Variants in CCDC178 observed in about 807,000 individuals in gnomAD.
CCDC178 encodes coiled-coil domain containing 178, also known as coiled-coil domain-containing protein 178.
A neutral mutation model predicts 117.4 loss-of-function variants in CCDC178; 126 were observed. That is an observed-to-expected ratio of 1.07 (90% CI 0.93 to 1.24). The LOEUF is 1.24. Among genes scored for constraint, CCDC178 ranks in the 50% most tolerant of loss-of-function variants. The pLI, the probability that CCDC178 is intolerant of heterozygous loss-of-function variation, is 0.00. For missense variants in CCDC178, 1,030 were observed against 986.9 expected, an observed-to-expected ratio of 1.04 and a Z score of -0.59; for synonymous variants, 283 against 313.4, an observed-to-expected ratio of 0.90 and a Z score of 1.02.
At chr18:33,216,105 AC>A (rs1320490853) in intron 18 of CCDC178, among the ~76,000 whole-genome samples, 2 of 152,110 alleles carry the variant, frequency 1.3e-5, no homozygotes, top group East Asian at 1.9e-4. Context: ...CTCTAAAAAA[AC>A]AACTGAGGTT....
At chr18:32,988,107 A>C (rs1598758951) in intron 21 of CCDC178, among the ~76,000 whole-genome samples, 1 of 147,320 alleles carries the variant, frequency 6.8e-6, no homozygotes, top group South Asian at 2.1e-4. Context: ...TAATAATAAT[A>C]ATAATAATAA....
intron 21 of CCDC178, among the ~76,000 whole-genome samples, chr18:33,005,662 C>T (rs936035530): frequency 6.6e-6 from 1 of 151,884 alleles, no homozygotes; most frequent in Non-Finnish European, 1.5e-5. Context: ...GTAATGGATA[C>T]CTAATTTACT....
chr18:33,159,032 G>T, intron 20 of CCDC178, among the ~76,000 whole-genome samples: 1 of 152,074 alleles, frequency 6.6e-6, no homozygotes. Context: ...ATGCATAATA[G>T]AACTCACTTT....
At chr18:32,961,348 C>G (rs1347178665) in intron 22 of CCDC178, among the ~76,000 whole-genome samples, 3 of 152,012 alleles carry the variant, frequency 2.0e-5, no homozygotes, top group East Asian at 1.9e-4. Flanking sequence ...TGAAATGTCT[C>G]TCTCTATTCC....
At chr18:33,175,694 C>A (rs1447641500) in intron 20 of CCDC178, among the ~76,000 whole-genome samples, 2 of 152,154 alleles carry the variant, frequency 1.3e-5, no homozygotes, top group African/African-American at 2.4e-5. Flanking sequence ...AGTGAAGCTA[C>A]CAAGTGGGCA....
rs576650486 is a variant in CCDC178, at chr18:33,349,087, C to G, written c.372-112G>C. Reference sequence around the variant, plus strand: ...AATATTTGTGGTGAAACTTACTATACAAGATAATCTTACTAGATAGGAGAC... The same window carrying G: ...AATATTTGTGGTGAAACTTACTATAGAAGATAATCTTACTAGATAGGAGAC... On this transcript the variant is annotated intron_variant, in intron 7 of 22. Transcript: ENST00000383096. 104 of 608,756 alleles carry G rather than the reference C, an allele frequency of 1.7e-4. 1 individual carries two copies. The South Asian group carries it at 2.2e-3, about 13-fold the overall frequency. The allele number at this position is 608,756 out of a possible 1,614,324, so 37.7% of individuals were successfully genotyped here.
At chr18:33,020,784 T>C (rs1319606590) in intron 21 of CCDC178, among the ~76,000 whole-genome samples, 1 of 145,984 alleles carries the variant, frequency 6.9e-6, no homozygotes, top group African/African-American at 2.7e-5. Flanking sequence ...TCTGATTTCC[T>C]AATTAAAACA....
At chr18:33,335,583 T>A (rs992103955) in intron 9 of CCDC178, among the ~76,000 whole-genome samples, 1 of 152,046 alleles carries the variant, frequency 6.6e-6, no homozygotes, top group African/African-American at 2.4e-5. Context: ...CCATGCAATT[T>A]CTTCAAGTTT....
intron 2 of CCDC178, among the ~76,000 whole-genome samples, chr18:33,414,970 T>C (rs989598887): frequency 3.9e-5 from 6 of 152,190 alleles, no homozygotes; most frequent in Non-Finnish European, 8.8e-5. Flanking sequence ...TCACTGGCCA[T>C]CAGAGAAATG....
At chr18:33,198,649 T>C (rs1367573280) in intron 20 of CCDC178, among the ~76,000 whole-genome samples, 1 of 152,162 alleles carries the variant, frequency 6.6e-6, no homozygotes, top group African/African-American at 2.4e-5. Context: ...TTCTTGATGA[T>C]AGACACTGAT....
chr18:32,955,961 T>C (rs1209103782), intron 22 of CCDC178, among the ~76,000 whole-genome samples: 1 of 152,206 alleles, frequency 6.6e-6, no homozygotes, highest in Admixed American at 6.5e-5. Flanking sequence ...AAAATCCATG[T>C]GCTAGCCATC....
intron 21 of CCDC178, among the ~76,000 whole-genome samples, chr18:32,978,203 AT>A (rs34863142): frequency 0.038 from 3,415 of 90,022 alleles, 59 homozygotes; most frequent in African/African-American, 0.096. Flanking sequence ...CTCAAAAAAG[AT>A]TTTTTTTTTT....
At chr18:33,048,078 A>C (rs2056678279) in intron 21 of CCDC178, among the ~76,000 whole-genome samples, 1 of 152,152 alleles carries the variant, frequency 6.6e-6, no homozygotes, top group African/African-American at 2.4e-5. Flanking sequence ...ATCAAGTTAA[A>C]ATTAGTGAAA....
At chr18:33,049,918 C>G (rs188651621) in intron 21 of CCDC178, among the ~76,000 whole-genome samples, 46 of 151,656 alleles carry the variant, frequency 3.0e-4, no homozygotes, top group African/African-American at 1.1e-3. Context: ...CCTGTCTCTA[C>G]TAAAAATACA....
At chr18:33,343,687 G>A (rs1003620555) in intron 9 of CCDC178, among the ~76,000 whole-genome samples, 5 of 152,222 alleles carry the variant, frequency 3.3e-5, no homozygotes, top group Non-Finnish European at 5.9e-5. Flanking sequence ...GGATTGGGGA[G>A]TTGAGGGGAA....
chr18:33,008,362 T>C (rs1382528448), intron 21 of CCDC178, among the ~76,000 whole-genome samples: 2 of 152,078 alleles, frequency 1.3e-5, no homozygotes, highest in Non-Finnish European at 2.9e-5. Context: ...TCTGTGTCAG[T>C]GTAGTTTACC....
intron 12 of CCDC178, among the ~76,000 whole-genome samples, chr18:33,273,022 T>C (rs551920660): frequency 1.3e-5 from 2 of 150,204 alleles, no homozygotes; most frequent in East Asian, 3.9e-4. Context: ...TATTTGATGC[T>C]CTAACCAAAG....
chr18:33,054,395 T>C (rs1053118619), intron 21 of CCDC178, among the ~76,000 whole-genome samples: 2 of 152,172 alleles, frequency 1.3e-5, no homozygotes, highest in Non-Finnish European at 2.9e-5. Flanking sequence ...CCAGCATCCA[T>C]TAGTTATTCT....
chr18:33,239,401 T>C (rs1297569324), intron 15 of CCDC178, among the ~76,000 whole-genome samples: 5 of 151,446 alleles, frequency 3.3e-5, no homozygotes, highest in African/African-American at 1.2e-4. Flanking sequence ...ATTTAAAAGA[T>C]ATAGACCAAC....
Sources: allele counts gnomAD v4.1 joint callset (sites outside exome capture counted in the v4.1 genomes callset), GRCh38; gene constraint gnomAD v4.1.1; transcripts MANE v1.5; gene names NCBI Gene and HGNC (gene_info 2026-07-23, HGNC 2026-07-21).